The following GRHL2 variants were observed in gnomAD, a reference collection of about 807,000 sequenced individuals.
GRHL2 encodes grainyhead-like protein 2 homolog.
A neutral mutation model predicts 83.8 loss-of-function variants in GRHL2; 21 were observed. That is an observed-to-expected ratio of 0.25 (90% CI 0.18 to 0.36). The LOEUF (loss-of-function observed/expected upper bound fraction) is 0.36, where lower values mean the gene tolerates loss of function less well. GRHL2 is among the 10% of genes least tolerant of loss of function. GRHL2 has a pLI of 1.00. For missense variants in GRHL2, 623 were observed against 781.8 expected, an observed-to-expected ratio of 0.80 and a Z score of 2.42; for synonymous variants, 280 against 278.9, an observed-to-expected ratio of 1.00 and a Z score of -0.04.
chr8:101,528,411 C>A (rs905613108), intron 1 of GRHL2, among the ~76,000 whole-genome samples: 1 of 151,560 alleles, frequency 6.6e-6, no homozygotes. Context: ...CTTCTTTTTA[C>A]CCCCGTCTCT....
intron 12 of GRHL2, among the ~76,000 whole-genome samples, chr8:101,637,198 C>G (rs184550968): frequency 6.6e-6 from 1 of 152,154 alleles, no homozygotes; most frequent in Non-Finnish European, 1.5e-5. Context: ...TCTAAGGGAC[C>G]GATCCCTTCC....
chr8:101,516,410 CTTTTTTT>C (rs33990862), intron 1 of GRHL2, among the ~76,000 whole-genome samples: 3 of 86,012 alleles, frequency 3.5e-5, no homozygotes, highest in African/African-American at 1.4e-4. Context: ...ACCTCTTTTC[CTTTTTTT>C]TTTTTTTTTT....
At chr8:101,601,033 A>G (rs1056547957) in intron 8 of GRHL2, among the ~76,000 whole-genome samples, 1 of 152,086 alleles carries the variant, frequency 6.6e-6, no homozygotes, top group African/African-American at 2.4e-5. Context: ...GGTGGCATGC[A>G]TCTGAAGTCC....
intron 3 of GRHL2, among the ~76,000 whole-genome samples, chr8:101,556,912 C>T (rs188175912): frequency 1.3e-5 from 2 of 152,138 alleles, no homozygotes; most frequent in East Asian, 3.9e-4. Flanking sequence ...TGTTTTAAAA[C>T]TAACTTTTTG....
At chr8:101,655,444 G>A (rs961797686) in intron 14 of GRHL2, among the ~76,000 whole-genome samples, 3 of 152,096 alleles carry the variant, frequency 2.0e-5, no homozygotes, top group African/African-American at 7.2e-5. Flanking sequence ...AAGAACTCTT[G>A]ACCACAACAA....
chr8:101,633,656 G>A (rs770917032), intron 11 of GRHL2, among the ~76,000 whole-genome samples: 1 of 152,024 alleles, frequency 6.6e-6, no homozygotes, highest in Non-Finnish European at 1.5e-5. Context: ...AGTCTTACTT[G>A]TTGGATAAGA....
At chr8:101,539,648 A>G (rs1811111776) in intron 1 of GRHL2, among the ~76,000 whole-genome samples, 1 of 152,112 alleles carries the variant, frequency 6.6e-6, no homozygotes, top group African/African-American at 2.4e-5. Context: ...AAATATGTAA[A>G]TTTTTCTAAT....
At chr8:101,526,367 G>A (rs1810802411) in intron 1 of GRHL2, among the ~76,000 whole-genome samples, 1 of 152,222 alleles carries the variant, frequency 6.6e-6, no homozygotes, top group African/African-American at 2.4e-5. Flanking sequence ...ATTGGCATTT[G>A]GAATTATTGG....
At chr8:101,515,547 G>A (rs1007909220) in intron 1 of GRHL2, among the ~76,000 whole-genome samples, 2 of 152,208 alleles carry the variant, frequency 1.3e-5, no homozygotes, top group South Asian at 2.1e-4. Flanking sequence ...TTGCATGCTG[G>A]GCACTGCATT....
intron 13 of GRHL2, among the ~76,000 whole-genome samples, chr8:101,647,472 G>T (rs1325700017): frequency 6.6e-6 from 1 of 152,160 alleles, no homozygotes. Flanking sequence ...GCAATCAATG[G>T]CTTTTTTCCT....
At chr8:101,647,576 A>G (rs547814102) in intron 13 of GRHL2, among the ~76,000 whole-genome samples, 60 of 152,268 alleles carry the variant, frequency 3.9e-4, no homozygotes, top group African/African-American at 1.4e-3. Flanking sequence ...TATAATAGCC[A>G]TTAGGTCATT....
At chr8:101,510,067 T>C (rs991731553) in intron 1 of GRHL2, among the ~76,000 whole-genome samples, 5 of 152,194 alleles carry the variant, frequency 3.3e-5, no homozygotes, top group Non-Finnish European at 5.9e-5. Context: ...TTCGGCTCAC[T>C]GCAGCCTTGA....
chr8:101,494,948 G>C (rs1810064574), intron 1 of GRHL2, among the ~76,000 whole-genome samples: 1 of 152,238 alleles, frequency 6.6e-6, no homozygotes, highest in African/African-American at 2.4e-5. Flanking sequence ...AATGGTGCAA[G>C]GAGATAATTC....
chr8:101,605,339 T>C (rs1447395159), intron 8 of GRHL2, among the ~76,000 whole-genome samples: 2 of 152,260 alleles, frequency 1.3e-5, no homozygotes, highest in Non-Finnish European at 2.9e-5. Flanking sequence ...ATGGAAAAAG[T>C]TAATTTAGAA....
chr8:101,611,584 T>C (rs1015498041), intron 8 of GRHL2, among the ~76,000 whole-genome samples: 1 of 150,756 alleles, frequency 6.6e-6, no homozygotes, highest in Non-Finnish European at 1.5e-5. Context: ...TCTCCTCCCT[T>C]CCATTGGTCT....
chr8:101,607,255 T>A (rs1385995498), intron 8 of GRHL2, among the ~76,000 whole-genome samples: 2 of 152,222 alleles, frequency 1.3e-5, no homozygotes, highest in East Asian at 3.8e-4. Flanking sequence ...TGTTCCTAAA[T>A]GGATGGCGTT....
chr8:101,628,222 T>C (rs1490147921), intron 9 of GRHL2, among the ~76,000 whole-genome samples: 2 of 152,058 alleles, frequency 1.3e-5, no homozygotes, highest in Non-Finnish European at 2.9e-5. Context: ...GACTTTCTCG[T>C]TAGGGGCTAA....
At chr8:101,574,555 AC>A (rs1458436615) in intron 6 of GRHL2, among the ~76,000 whole-genome samples, 1 of 152,206 alleles carries the variant, frequency 6.6e-6, no homozygotes, top group East Asian at 1.9e-4. Flanking sequence ...TGCCCAGCCC[AC>A]CTTATTTTAG....
At chr8:101,498,312 G>C (rs989679464) in intron 1 of GRHL2, among the ~76,000 whole-genome samples, 21 of 152,036 alleles carry the variant, frequency 1.4e-4, no homozygotes, top group African/African-American at 4.8e-4. Context: ...TAGAGATGGG[G>C]TTTCATCATG....
Sources: allele counts gnomAD v4.1 joint callset (sites outside exome capture counted in the v4.1 genomes callset), GRCh38; gene constraint gnomAD v4.1.1; transcripts MANE v1.5; gene names NCBI Gene and HGNC (gene_info 2026-07-23, HGNC 2026-07-21).